GALNT17: variants seen among roughly 807,000 people sequenced by gnomAD.
GALNT17 encodes the protein polypeptide N-acetylgalactosaminyltransferase 17.
Under a neutral mutation model 63.7 loss-of-function variants are expected in GALNT17, and 29 were observed. The observed-to-expected ratio is 0.46, with a 90% confidence interval of 0.34 to 0.62. The LOEUF (loss-of-function observed/expected upper bound fraction) is 0.62, where lower values mean the gene tolerates loss of function less well. Among genes scored for constraint, GALNT17 ranks in the 20% least tolerant of loss-of-function variants. The pLI, the probability that GALNT17 is intolerant of heterozygous loss-of-function variation, is 0.01. For synonymous variants in GALNT17, 305 were observed against 318.3 expected, an observed-to-expected ratio of 0.96 and a Z score of 0.45; for missense variants, 603 against 799.6, an observed-to-expected ratio of 0.75 and a Z score of 2.97.
chr7:71,264,542 C>T (rs1790452211), intron 1 of GALNT17, among the ~76,000 whole-genome samples: 1 of 152,128 alleles, frequency 6.6e-6, no homozygotes, highest in African/African-American at 2.4e-5. Flanking sequence ...TTCATTGCAG[C>T]AGTATTCATA....
intron 1 of GALNT17, among the ~76,000 whole-genome samples, chr7:71,202,539 C>A (rs1621935): frequency 0.35 from 52,890 of 151,932 alleles, 11,571 homozygotes; most frequent in African/African-American, 0.62. Context: ...GATTGTATAT[C>A]TTTATTAGGT....
chr7:71,543,993 A>C (rs910923186), intron 5 of GALNT17, among the ~76,000 whole-genome samples: 1 of 151,710 alleles, frequency 6.6e-6, no homozygotes, highest in Non-Finnish European at 1.5e-5. Flanking sequence ...GAGTTTCACC[A>C]TGTTGGCCAG....
At chr7:71,572,528 A>AAAAAAAC in intron 6 of GALNT17, among the ~76,000 whole-genome samples, 2 of 150,318 alleles carry the variant, frequency 1.3e-5, no homozygotes, top group African/African-American at 4.9e-5. Context: ...AAAAAAAAAA[A>AAAAAAAC]AACTACATGT....
chr7:71,433,618 G>A (rs994938235), intron 5 of GALNT17, among the ~76,000 whole-genome samples: 9 of 152,262 alleles, frequency 5.9e-5, no homozygotes, highest in African/African-American at 1.9e-4. Flanking sequence ...GGCCTGGAAC[G>A]TTTCTCTCTG....
At chr7:71,406,965 A>T (rs983580917) in intron 3 of GALNT17, among the ~76,000 whole-genome samples, 1 of 152,228 alleles carries the variant, frequency 6.6e-6, no homozygotes, top group African/African-American at 2.4e-5. Flanking sequence ...AAAAAAAGAG[A>T]TGATGCAGAA....
At chr7:71,237,456 G>A (rs778429690) in intron 1 of GALNT17, among the ~76,000 whole-genome samples, 2 of 147,930 alleles carry the variant, frequency 1.4e-5, no homozygotes, top group Non-Finnish European at 3.0e-5. Context: ...AAGGCAGATC[G>A]CTTGAGGCCA....
chr7:71,698,589 A>T (rs1030967226), intron 9 of GALNT17, among the ~76,000 whole-genome samples: 1 of 151,866 alleles, frequency 6.6e-6, no homozygotes. Context: ...AAAATAATAG[A>T]AATGGAGTGT....
Position 71,149,195 on chromosome 7 carries a change from A to G in GALNT17, c.238+16155A>G, listed in dbSNP as rs578032051. Among the ~76,000 whole-genome samples, 4 of 152,282 alleles carry G rather than the reference A, an allele frequency of 2.6e-5. No individual in the cohort carries two copies. In the South Asian group the frequency reaches 8.3e-4, roughly 32 times the overall value. On this transcript the variant is annotated intron_variant, in intron 1 of 10. Coordinates refer to ENST00000333538, the MANE Select transcript of GALNT17 (RefSeq NM_022479.3). ...CAGCCTCCTGAGTAGCTGGGACAAC[A>G]AGCATGCACCACCACGCCTGGCTAA...
At chr7:71,241,830 A>AGCCTAGATCATGCTGC (rs1790002350) in intron 1 of GALNT17, among the ~76,000 whole-genome samples, 1 of 152,186 alleles carries the variant, frequency 6.6e-6, no homozygotes, top group Non-Finnish European at 1.5e-5. Flanking sequence ...TCTAGGCTGC[A>AGCCTAGATCATGCTGC]GTGAGCCATG....
chr7:71,586,389 C>T (rs753921658), intron 6 of GALNT17, among the ~76,000 whole-genome samples: 19 of 152,266 alleles, frequency 1.2e-4, no homozygotes, highest in Non-Finnish European at 2.2e-4. Flanking sequence ...AGAAGTATTC[C>T]TCTGTGTCAA....
intron 3 of GALNT17, among the ~76,000 whole-genome samples, chr7:71,406,552 T>C (rs1412551800): frequency 1.3e-5 from 2 of 152,184 alleles, no homozygotes; most frequent in South Asian, 2.1e-4. Flanking sequence ...GAGCAGAATA[T>C]GCAACCGAGT....
rs1490985037 is a variant in GALNT17, at chr7:71,710,945, C to T, written c.1668+17C>T. 6.2e-7 allele frequency: 1 copy of T among 1,611,864 alleles called. No individual in the cohort carries two copies. The highest frequency in any genetic ancestry group is 8.5e-7 in the Non-Finnish European group (1 of 1,179,492). ...TTCATCCAGGTGAGTGCTGTATGGA[C>T]AGAGCCAGCACCCAGAGTAGCTGCA... On this transcript the variant is annotated intron_variant, in intron 10 of 10. Coordinates refer to ENST00000333538, the MANE Select transcript of GALNT17 (RefSeq NM_022479.3).
chr7:71,551,367 T>C (rs372773801), intron 5 of GALNT17, among the ~76,000 whole-genome samples: 2 of 152,216 alleles, frequency 1.3e-5, no homozygotes, highest in African/African-American at 4.8e-5. Context: ...AAGCTTGCTT[T>C]TTAATTTTCT....
At chr7:71,690,058 C>T (rs556664062) in intron 9 of GALNT17, among the ~76,000 whole-genome samples, 1 of 148,818 alleles carries the variant, frequency 6.7e-6, no homozygotes, top group Non-Finnish European at 1.5e-5. Flanking sequence ...CGGAGTCTCA[C>T]TCTGTCACCA....
intron 2 of GALNT17, among the ~76,000 whole-genome samples, chr7:71,381,035 A>C (rs1792836854): frequency 6.6e-6 from 1 of 151,496 alleles, no homozygotes; most frequent in African/African-American, 2.4e-5. Flanking sequence ...ATATTGACTC[A>C]CTGCAATCTC....
chr7:71,254,392 G>A lies in GALNT17; in HGVS notation c.239-81158G>A, dbSNP rs141430926. 9.1e-4 allele frequency among the ~76,000 whole-genome samples: 138 copies of A among 152,290 alleles called. 1 individual carries two copies. The highest frequency in any genetic ancestry group is 3.4e-3 in the Middle Eastern group (1 of 294). Reference sequence around the variant, plus strand: ...AAGGGAAGAGGATTCTCTACAGAATGTAGATTTTCCCTACAAGAGATAGCT... The same window carrying A: ...AAGGGAAGAGGATTCTCTACAGAATATAGATTTTCCCTACAAGAGATAGCT... On this transcript the variant is annotated intron_variant, in intron 1 of 10. Transcript: ENST00000333538.
intron 5 of GALNT17, among the ~76,000 whole-genome samples, chr7:71,442,427 C>T (rs1164222476): frequency 6.6e-6 from 1 of 152,112 alleles, no homozygotes; most frequent in Non-Finnish European, 1.5e-5. Context: ...TCTCAATCTC[C>T]TGACCTCATG....
chr7:71,408,732 G>A (rs1359729595), intron 3 of GALNT17, among the ~76,000 whole-genome samples: 1 of 152,004 alleles, frequency 6.6e-6, no homozygotes, highest in Admixed American at 6.6e-5. Context: ...AATTAGTTGG[G>A]CATGGTGGTG....
intron 1 of GALNT17, among the ~76,000 whole-genome samples, chr7:71,228,335 G>A (rs373552889): frequency 2.2e-4 from 34 of 152,246 alleles, no homozygotes; most frequent in African/African-American, 8.2e-4. Context: ...GGAATCAACC[G>A]TCCACCTCCA....
Sources: allele counts gnomAD v4.1 joint callset (sites outside exome capture counted in the v4.1 genomes callset), GRCh38; gene constraint gnomAD v4.1.1; transcripts MANE v1.5; gene names NCBI Gene and HGNC (gene_info 2026-07-23, HGNC 2026-07-21).